Variants in PHTF2 observed in about 807,000 individuals in gnomAD.
PHTF2 encodes protein PHTF2.
A neutral mutation model predicts 101.2 loss-of-function variants in PHTF2; 60 were observed. The observed-to-expected ratio is 0.59, with a 90% CI of 0.48 to 0.73. PHTF2 has a LOEUF of 0.73. Ranked by LOEUF, PHTF2 falls within the 30% of genes least tolerant of loss-of-function variation. The pLI is 0.00. For synonymous variants in PHTF2, 311 were observed against 307.3 expected (o/e 1.01, Z -0.13); for missense variants, 747 against 908.7 (o/e 0.82, Z 2.29).
chr7:77,942,682 TC>T lies in PHTF2; in HGVS notation c.1873-16del. 6.8e-7 allele frequency: 1 copy of T among 1,473,668 alleles called. No individual in the cohort carries two copies. Among genetic ancestry groups the T allele is most frequent in the Non-Finnish European group, 9.3e-7 (1 of 1,071,150 alleles). The allele number at this position is 1,473,668 out of a possible 1,614,324, so 91.3% of individuals were successfully genotyped here. A position where few individuals can be genotyped will look rare whatever the true frequency, so the allele number is the denominator to read the frequency against. ...TTTTAAAATGTTTCCTTTTCTCCCT[TC>T]CACCCACACCCTGCAGCGTCGAGGT... On this transcript the variant is annotated splice_polypyrimidine_tract_variant and intron_variant, in intron 15 of 19. Transcript: ENST00000416283.
chr7:77,917,701 C>T (rs534288110), intron 9 of PHTF2, among the ~76,000 whole-genome samples: 2 of 152,292 alleles, frequency 1.3e-5, no homozygotes, highest in Admixed American at 1.3e-4. Flanking sequence ...AATATTGTCC[C>T]TAAATGGGCT....
intron 1 of PHTF2, among the ~76,000 whole-genome samples, chr7:77,839,632 A>G (rs1395998560): frequency 6.6e-6 from 1 of 152,200 alleles, no homozygotes; most frequent in Non-Finnish European, 1.5e-5. Context: ...TAACTACTTA[A>G]ATGACAGTTA....
At chr7:77,828,728 C>T (rs1220624000) in intron 1 of PHTF2, among the ~76,000 whole-genome samples, 2 of 152,018 alleles carry the variant, frequency 1.3e-5, no homozygotes, top group African/African-American at 4.8e-5. Flanking sequence ...ATTAGCTGGG[C>T]GTGGTGGTGC....
At chr7:77,823,639 A>G (rs1794481163) in intron 1 of PHTF2, among the ~76,000 whole-genome samples, 1 of 152,236 alleles carries the variant, frequency 6.6e-6, no homozygotes, top group Admixed American at 6.5e-5. Flanking sequence ...GAACAAGGAG[A>G]AAGTTATTTT....
chr7:77,912,618 A>ATGGT (rs1802500074), intron 9 of PHTF2, among the ~76,000 whole-genome samples: 1 of 146,206 alleles, frequency 6.8e-6, no homozygotes, highest in Non-Finnish European at 1.5e-5. Flanking sequence ...TGGTATGTTG[A>ATGGT]TGGTTTTCTA....
intron 3 of PHTF2, among the ~76,000 whole-genome samples, chr7:77,878,949 G>C (rs889438327): frequency 6.6e-6 from 1 of 152,146 alleles, no homozygotes; most frequent in South Asian, 2.1e-4. Context: ...CTAGGTAGGT[G>C]GATGTTATCT....
At chr7:77,846,372 A>G (rs1257888105) in intron 2 of PHTF2, among the ~76,000 whole-genome samples, 1 of 152,182 alleles carries the variant, frequency 6.6e-6, no homozygotes, top group African/African-American at 2.4e-5. Context: ...CACATCCTAA[A>G]AACAACCAAT....
chr7:77,880,820 G>A (rs995768557), intron 3 of PHTF2, among the ~76,000 whole-genome samples: 3 of 152,168 alleles, frequency 2.0e-5, no homozygotes, highest in Non-Finnish European at 4.4e-5. Context: ...ACTTGCAAGT[G>A]CATATTATCA....
intron 11 of PHTF2, chr7:77,924,040 T>C: frequency 1.1e-6 from 1 of 941,302 alleles, no homozygotes; most frequent in Non-Finnish European, 1.3e-6. Flanking sequence ...ATTCTTCGTC[T>C]ATAAAGTGAA....
At chr7:77,845,757 C>T (rs1016162875) in intron 2 of PHTF2, among the ~76,000 whole-genome samples, 4 of 152,190 alleles carry the variant, frequency 2.6e-5, no homozygotes, top group Non-Finnish European at 5.9e-5. Flanking sequence ...TCTCAGCTTT[C>T]AACTCCAAAA....
intron 12 of PHTF2, among the ~76,000 whole-genome samples, chr7:77,932,602 A>AGAG (rs1554390971): frequency 7.7e-6 from 1 of 129,978 alleles, no homozygotes; most frequent in African/African-American, 2.9e-5. Flanking sequence ...GAGAGAGAGA[A>AGAG]AGAGAGAGAG....
At chr7:77,889,364 T>A (rs1385794330) in intron 3 of PHTF2, among the ~76,000 whole-genome samples, 1 of 152,130 alleles carries the variant, frequency 6.6e-6, no homozygotes. Context: ...TACACACATA[T>A]CCCAAGAAAC....
chr7:77,879,564 T>C (rs1175452766), intron 3 of PHTF2, among the ~76,000 whole-genome samples: 4 of 152,190 alleles, frequency 2.6e-5, no homozygotes, highest in African/African-American at 9.7e-5. Flanking sequence ...TACTCTTCTG[T>C]CACAAAGATG....
At chr7:77,893,168 G>T (rs772665832) in intron 3 of PHTF2, among the ~76,000 whole-genome samples, 3 of 152,078 alleles carry the variant, frequency 2.0e-5, no homozygotes, top group African/African-American at 7.2e-5. Flanking sequence ...ATGACTTGGG[G>T]GTTTGGTGTA....
chr7:77,947,248 T>C (rs750169658), intron 16 of PHTF2, among the ~76,000 whole-genome samples: 1 of 152,104 alleles, frequency 6.6e-6, no homozygotes. Flanking sequence ...GATAAAACTT[T>C]ATTGAAAATT....
At chr7:77,833,185 G>C (rs1209717055) in intron 1 of PHTF2, among the ~76,000 whole-genome samples, 2 of 152,170 alleles carry the variant, frequency 1.3e-5, no homozygotes, top group African/African-American at 2.4e-5. Flanking sequence ...AACTTATGGA[G>C]AAAGTGGAAT....
intron 3 of PHTF2, among the ~76,000 whole-genome samples, chr7:77,863,714 C>T (rs936196556): frequency 2.0e-5 from 3 of 150,832 alleles, no homozygotes; most frequent in African/African-American, 7.3e-5. Context: ...ATAGGATTTA[C>T]ACGCATTTAT....
chr7:77,921,532 C>T (rs914711565), intron 10 of PHTF2, among the ~76,000 whole-genome samples: 1 of 152,176 alleles, frequency 6.6e-6, no homozygotes, highest in Non-Finnish European at 1.5e-5. Context: ...TATGTTACTA[C>T]TTGAACGTTC....
intron 3 of PHTF2, among the ~76,000 whole-genome samples, chr7:77,858,306 T>A (rs550838710): frequency 1.9e-4 from 29 of 152,336 alleles, no homozygotes; most frequent in African/African-American, 7.0e-4. Context: ...GCCTAAATAA[T>A]TTGGGTTTTA....
Sources: gnomAD v4.1 joint callset for allele counts (sites outside exome capture counted in the v4.1 genomes callset) on GRCh38, gnomAD v4.1.1 for gene constraint, MANE v1.5 for transcripts, NCBI Gene and HGNC (gene_info 2026-07-23, HGNC 2026-07-21) for gene names.